The following MAD1L1 variants were observed in gnomAD, a reference collection of about 807,000 sequenced individuals.
MAD1L1 encodes the protein mitotic arrest deficient 1 like 1.
MAD1L1 carries 95 observed loss-of-function variants against 96.9 expected under a neutral mutation model. The observed-to-expected ratio is 0.98, with a 90% CI of 0.83 to 1.16. The LOEUF (loss-of-function observed/expected upper bound fraction) is 1.16. MAD1L1 is among the 50% of genes most tolerant of loss of function. MAD1L1 has a pLI of 0.00. For missense variants in MAD1L1, 1,007 were observed against 954.4 expected, an observed-to-expected ratio of 1.06 and a Z score of -0.73; for synonymous variants, 473 against 396.6, an observed-to-expected ratio of 1.19 and a Z score of -2.29.
At chr7:1,910,916 G>A (rs995022798) in intron 17 of MAD1L1, among the ~76,000 whole-genome samples, 11 of 152,212 alleles carry the variant, frequency 7.2e-5, no homozygotes, top group Non-Finnish European at 1.0e-4. Context: ...ATGGCGATGT[G>A]GGGCCACAGT....
intron 18 of MAD1L1, chr7:1,829,715 C>A (rs1303179233): frequency 2.0e-5 from 2 of 102,486 alleles, no homozygotes; most frequent in Admixed American, 8.8e-5. Flanking sequence ...GAACCCCAAC[C>A]ACCAAAAAAA....
chr7:2,069,304 G>A lies in MAD1L1; in HGVS notation c.1108C>T (p.Gln370Ter), dbSNP rs2128529275. The change falls in exon 12 of 19, where the codon CAG becomes TAG. Residue 370 changes from glutamine (Q) to a stop codon, truncating the protein, a stop_gained. Coordinates refer to ENST00000265854, the MANE Select transcript of MAD1L1 (RefSeq NM_001013836.2). LOFTEE classifies it high-confidence loss of function. The part of the protein sequence containing the change: ...RGLEKARQQL[Q>*]EELRQVSGQL... ...CCGCTGACCTGCCGGAGCTCCTCCT[G>A]CAGCTGCTGCCTGGCCTTCTCCAGC... 6.2e-7 allele frequency: 1 copy of A among 1,607,928 alleles called. No homozygotes were observed. Among genetic ancestry groups the A allele is most frequent in the Non-Finnish European group, 8.5e-7 (1 of 1,178,814 alleles).
At chr7:2,028,958 G>C (rs1783102291) in intron 12 of MAD1L1, among the ~76,000 whole-genome samples, 1 of 152,182 alleles carries the variant, frequency 6.6e-6, no homozygotes, top group Admixed American at 6.5e-5. Flanking sequence ...GTGTGAAGAA[G>C]CAAAGCCACC....
At chr7:2,157,036 G>C (rs1303845358) in intron 10 of MAD1L1, among the ~76,000 whole-genome samples, 1 of 152,056 alleles carries the variant, frequency 6.6e-6, no homozygotes, top group African/African-American at 2.4e-5. Flanking sequence ...TACAGAATTT[G>C]GTCCAAGTCT....
At chr7:2,143,331 G>A (rs866900841) in intron 11 of MAD1L1, among the ~76,000 whole-genome samples, 3 of 150,190 alleles carry the variant, frequency 2.0e-5, no homozygotes, top group Admixed American at 6.7e-5. Flanking sequence ...CATGGATCTC[G>A]TATGCCTTGC....
intron 18 of MAD1L1, among the ~76,000 whole-genome samples, chr7:1,823,116 C>T (rs897195289): frequency 7.9e-5 from 12 of 151,914 alleles, no homozygotes; most frequent in Admixed American, 3.3e-4. Flanking sequence ...TTAATCGATA[C>T]GGAAAAGTCA....
chr7:2,096,174 G>A (rs1174200290), intron 11 of MAD1L1, among the ~76,000 whole-genome samples: 1 of 152,256 alleles, frequency 6.6e-6, no homozygotes, highest in Non-Finnish European at 1.5e-5. Flanking sequence ...AATTCCAGAT[G>A]AGGACAGGGA....
At chr7:1,882,044 T>A (rs1785712588) in intron 18 of MAD1L1, among the ~76,000 whole-genome samples, 1 of 151,940 alleles carries the variant, frequency 6.6e-6, no homozygotes, top group Admixed American at 6.6e-5. Flanking sequence ...ACTCTGAGCC[T>A]CCGCCTGCTT....
chr7:1,914,430 T>G (rs530187503), intron 17 of MAD1L1, among the ~76,000 whole-genome samples: 1 of 152,174 alleles, frequency 6.6e-6, no homozygotes, highest in Non-Finnish European at 1.5e-5. Context: ...TCCGAAGATG[T>G]GCGCTCCGGC....
rs906185541 is a variant in MAD1L1, at chr7:2,069,045, T to C, written c.1218+149A>G. The C allele has an allele frequency of 4.0e-5, 42 of 1,046,402 alleles. No homozygotes were observed. The East Asian group carries it at 1.1e-3, about 28-fold the overall frequency. 64.8% of individuals were successfully genotyped at this position (1,046,402 alleles called of 1,614,324 possible). ...ACCGGGGCTGAGCACTCTCTGGCAT[T>C]CCCAGAACCCTCCTGGCAACCCAGG... is the stretch of plus-strand genomic sequence containing the variant. On this transcript the variant is annotated intron_variant, in intron 12 of 18. Coordinates refer to ENST00000265854, the MANE Select transcript of MAD1L1 (RefSeq NM_001013836.2).
intron 16 of MAD1L1, among the ~76,000 whole-genome samples, chr7:1,953,021 A>G (rs12671026): frequency 0.95 from 143,851 of 152,206 alleles, 68,326 homozygotes; most frequent in Middle Eastern, 1. Context: ...TCCAGGAGGG[A>G]ACGCGGCCCT....
At chr7:2,137,552 C>T (rs777644277) in intron 11 of MAD1L1, among the ~76,000 whole-genome samples, 3 of 152,164 alleles carry the variant, frequency 2.0e-5, no homozygotes, top group Non-Finnish European at 4.4e-5. Flanking sequence ...CACCTCTGGC[C>T]CAGGTGAGTG....
chr7:1,924,399 G>A (rs1184338121), intron 17 of MAD1L1, among the ~76,000 whole-genome samples: 4 of 152,196 alleles, frequency 2.6e-5, no homozygotes, highest in Non-Finnish European at 5.9e-5. Flanking sequence ...TCATCTGCAC[G>A]GAGGGGAAAG....
chr7:2,151,652 G>C (rs933691200), intron 10 of MAD1L1, among the ~76,000 whole-genome samples: 1 of 152,270 alleles, frequency 6.6e-6, no homozygotes, highest in Non-Finnish European at 1.5e-5. Flanking sequence ...GCTGGGAGCT[G>C]GGGTAAGATC....
intron 12 of MAD1L1, among the ~76,000 whole-genome samples, chr7:2,060,286 G>A (rs749093322): frequency 6.3e-5 from 6 of 95,504 alleles, no homozygotes; most frequent in Admixed American, 2.3e-4. Context: ...GAGATACGCC[G>A]ATCCCGAGAT....
chr7:2,072,610 C>G (rs372794938), intron 11 of MAD1L1, among the ~76,000 whole-genome samples: 1 of 152,236 alleles, frequency 6.6e-6, no homozygotes, highest in East Asian at 1.9e-4. Context: ...GGAACGTTCA[C>G]AAGTGCTTTA....
chr7:2,010,337 G>C (rs1782239451), intron 13 of MAD1L1, among the ~76,000 whole-genome samples: 1 of 152,102 alleles, frequency 6.6e-6, no homozygotes, highest in South Asian at 2.1e-4. Context: ...GGCCACTTCT[G>C]CCTAAATCGT....
intron 10 of MAD1L1, among the ~76,000 whole-genome samples, chr7:2,155,088 C>T (rs909292567): frequency 4.6e-5 from 7 of 152,144 alleles, no homozygotes; most frequent in South Asian, 2.1e-4. Flanking sequence ...GCCGCTCCTC[C>T]GGCTTGGGGC....
intron 17 of MAD1L1, among the ~76,000 whole-genome samples, chr7:1,915,997 G>T (rs57859688): frequency 0.03 from 4,507 of 152,312 alleles, 209 homozygotes; most frequent in African/African-American, 0.1. Context: ...AAATGGCAGG[G>T]ATTTAAGTAG....
Sources: allele counts gnomAD v4.1 joint callset (sites outside exome capture counted in the v4.1 genomes callset), GRCh38; gene constraint gnomAD v4.1.1; transcripts MANE v1.5; gene names NCBI Gene and HGNC (gene_info 2026-07-23, HGNC 2026-07-21).